The following DNAH9 variants were observed in gnomAD, a reference collection of about 807,000 sequenced individuals.
DNAH9 encodes DNAH9 variant protein.
In DNAH9, 345 loss-of-function variants were observed where a neutral mutation model predicts 471.6. That is an observed-to-expected ratio of 0.73 (90% CI 0.67 to 0.80). The LOEUF (loss-of-function observed/expected upper bound fraction) is 0.80, where lower values mean the gene tolerates loss of function less well. Ranked by LOEUF, DNAH9 falls within the 30% of genes least tolerant of loss-of-function variation. The probability of loss-of-function intolerance (pLI) is 0.00; values close to 1 mark genes in which losing one functional copy is unlikely to be tolerated. For synonymous variants in DNAH9, 2,093 were observed against 2,123.6 expected (o/e 0.99, Z 0.40); for missense variants, 5,407 against 5,609.2 (o/e 0.96, Z 1.15).
At chr17:11,710,194 C>G (rs751543693) in intron 26 of DNAH9, among the ~76,000 whole-genome samples, 1 of 152,016 alleles carries the variant, frequency 6.6e-6, no homozygotes, top group African/African-American at 2.4e-5. Flanking sequence ...TGTATATTCT[C>G]TAAATATTTT....
chr17:11,693,826 G>A (rs1009737519), intron 20 of DNAH9, 42 bp from the exon 21 acceptor site: 3 of 1,612,688 alleles, frequency 1.9e-6, no homozygotes, highest in Non-Finnish European at 2.5e-6. Context: ...TCTAGGAACT[G>A]AGTGGAGTGG....
At position 11,644,780 on chromosome 17, in the gene DNAH9, T is replaced by C. The variant is rs973930145; in HGVS notation, c.1970+81T>C. 1.7e-5 allele frequency: 16 copies of C among 942,382 alleles called. No homozygotes were observed. In the African/African-American group the frequency reaches 2.6e-4, roughly 15 times the overall value. 58.4% of individuals were successfully genotyped at this position (942,382 alleles called of 1,614,324 possible). On this transcript the variant is annotated intron_variant, in intron 11 of 68. Transcript: ENST00000262442. ...TTTTGCAGCTCCGAGTTTGTGCAGA[T>C]TCCTCAGTGGCTCCGAAGTATCACT... is the stretch of plus-strand genomic sequence containing the variant.
In DNAH9 at chr17:11,690,265, C is replaced by A; in HGVS notation, c.4443C>A (p.Asn1481Lys). 2 of 1,614,164 alleles carry A rather than the reference C, an allele frequency of 1.2e-6. No homozygotes were observed. The highest frequency in any genetic ancestry group is 1.7e-4 in the Middle Eastern group (1 of 6,060). The change falls in exon 20 of 69, where the codon AAC becomes AAA. Residue 1481 changes from asparagine (N) to lysine (K), a missense_variant. By Grantham distance (94) the Asn-to-Lys change is moderately conservative. Around this residue, in one of 3 missense-constraint regions of DNAH9, gnomAD observed 4,636 missense variants for 4,900.3 expected, o/e 0.95. Coordinates refer to ENST00000262442, the MANE Select transcript of DNAH9 (RefSeq NM_001372.4). The part of the protein sequence containing the change: ...VLEDNQVQLQ[N>K]LVMSKYVAFF... ...AGGATAATCAAGTTCAACTTCAGAACCTGGTGATGTCCAAGTATGTTGCTT... is the reference window on the plus strand; with the variant it reads ...AGGATAATCAAGTTCAACTTCAGAAACTGGTGATGTCCAAGTATGTTGCTT...
At chr17:11,632,905 T>C (rs1467573708) in intron 8 of DNAH9, among the ~76,000 whole-genome samples, 1 of 152,174 alleles carries the variant, frequency 6.6e-6, no homozygotes, top group Non-Finnish European at 1.5e-5. Flanking sequence ...ACTTATGCTT[T>C]CCTGAAAATG....
intron 35 of DNAH9, among the ~76,000 whole-genome samples, chr17:11,761,514 G>A (rs11655963): frequency 0.086 from 13,153 of 152,134 alleles, 673 homozygotes; most frequent in Non-Finnish European, 0.11. Flanking sequence ...GTCAGGTCCC[G>A]CTCCCACACA....
At chr17:11,935,334 CT>C in intron 65 of DNAH9, among the ~76,000 whole-genome samples, 1 of 150,322 alleles carries the variant, frequency 6.7e-6, no homozygotes, top group East Asian at 2.0e-4. Flanking sequence ...AAGTATTCAT[CT>C]TTGCCTATTT....
chr17:11,664,697 T>C (rs776355512), intron 14 of DNAH9, 136 bp from the exon 15 acceptor site: 1 of 703,866 alleles, frequency 1.4e-6, no homozygotes, highest in Non-Finnish European at 2.4e-6. Context: ...GCAGAGTGGA[T>C]TCGATACATG....
Position 11,622,071 on chromosome 17 carries a change from C to T in DNAH9, c.1350+2290C>T, listed in dbSNP as rs1012515883. On this transcript the variant is annotated intron_variant, in intron 6 of 68. Coordinates refer to ENST00000262442, the MANE Select transcript of DNAH9 (RefSeq NM_001372.4). ...ACTGCACTCCAGCCTGGGGACAGAG[C>T]GAGACTCCGTCTCAAAAAAAAAAAA... Among the ~76,000 whole-genome samples the T allele has an allele frequency of 1.1e-4, 16 of 139,678 alleles. No individual in the cohort carries two copies. The South Asian group carries it at 2.9e-3, about 26-fold the overall frequency. 91.6% of individuals were successfully genotyped at this position (139,678 alleles called of 152,430 possible).
intron 61 of DNAH9, among the ~76,000 whole-genome samples, chr17:11,913,934 A>G (rs1424049078): frequency 6.6e-6 from 1 of 152,202 alleles, no homozygotes; most frequent in East Asian, 1.9e-4. Flanking sequence ...TCAAGAATGA[A>G]TGCATATTCA....
At chr17:11,750,850 T>G (rs928330492) in intron 32 of DNAH9, among the ~76,000 whole-genome samples, 1 of 151,934 alleles carries the variant, frequency 6.6e-6, no homozygotes, top group Non-Finnish European at 1.5e-5. Context: ...TCATAAGAAA[T>G]TGTTCAAACT....
intron 5 of DNAH9, among the ~76,000 whole-genome samples, chr17:11,618,320 G>T (rs1187558864): frequency 1.3e-5 from 2 of 152,124 alleles, no homozygotes; most frequent in African/African-American, 2.4e-5. Context: ...GGGCGCGGTG[G>T]CTCACGCCTG....
chr17:11,779,133 A>G (rs1968575901), intron 38 of DNAH9, among the ~76,000 whole-genome samples: 2 of 152,104 alleles, frequency 1.3e-5, no homozygotes, highest in South Asian at 2.1e-4. Flanking sequence ...CTGAACCCCA[A>G]CCTGTTCCAT....
rs529539736 is a variant in DNAH9, at chr17:11,796,592, G to A, written c.8224-1005G>A. Among the ~76,000 whole-genome samples, 11 of 152,280 alleles carry A rather than the reference G, an allele frequency of 7.2e-5. No homozygotes were observed. The South Asian group carries it at 1.2e-3, about 17-fold the overall frequency. On this transcript the variant is annotated intron_variant, in intron 42 of 68. Transcript: ENST00000262442. ...CCTGCAGTGACTTATGCCCTGGGAC[G>A]TGTCCCTGCTGATAAATAACACACT... is the stretch of plus-strand genomic sequence containing the variant.
At chr17:11,868,808 T>A (rs1420158272) in intron 50 of DNAH9, among the ~76,000 whole-genome samples, 1 of 152,046 alleles carries the variant, frequency 6.6e-6, no homozygotes, top group Admixed American at 6.6e-5. Context: ...CCCATCCACA[T>A]CCCTGACACC....
intron 3 of DNAH9, 111 bp downstream of exon 3, chr17:11,610,665 T>G: frequency 3.0e-6 from 3 of 998,962 alleles, no homozygotes; most frequent in Non-Finnish European, 4.4e-6. Context: ...CCTATAGGTA[T>G]TTCACATCAT....
intron 1 of DNAH9, among the ~76,000 whole-genome samples, chr17:11,600,122 A>G (rs933101089): frequency 7.2e-5 from 11 of 152,268 alleles, no homozygotes; most frequent in Middle Eastern, 3.4e-3. Context: ...GATCTCTTAG[A>G]TATGGAGGTA....
chr17:11,747,884 C>T (rs1282549477), intron 32 of DNAH9, 118 bp downstream of exon 32: 14 of 905,646 alleles, frequency 1.5e-5, no homozygotes, highest in African/African-American at 3.3e-5. Context: ...TTTGGAACCG[C>T]GGAGGGAGAC....
chr17:11,610,500 T>G lies in DNAH9; in HGVS notation c.719T>G (p.Leu240Arg). 1 of 1,613,484 alleles carries G rather than the reference T, an allele frequency of 6.2e-7. No individual in the cohort carries two copies. Among genetic ancestry groups the G allele is most frequent in the Non-Finnish European group, 8.5e-7 (1 of 1,179,986 alleles). ...CTCAAGAGAGAGTCTTCCCAGCCACTCTTACAAGGGGAGAATCCCACCCCT... is the reference window on the plus strand; with the variant it reads ...CTCAAGAGAGAGTCTTCCCAGCCACGCTTACAAGGGGAGAATCCCACCCCT... Reference protein sequence around the residue: ...VVLKRESSQPLLQGENPTPKV... With the variant: ...VVLKRESSQPRLQGENPTPKV... The change falls in exon 3 of 69, where the codon CTC becomes CGC. Residue 240 changes from leucine (L) to arginine (R), a missense_variant. Physicochemically the swap from Leu to Arg is moderately radical, Grantham distance 102 (BLOSUM62 -2). Transcript: ENST00000262442.
chr17:11,951,046 A>G (rs1203886658), intron 67 of DNAH9, among the ~76,000 whole-genome samples: 4 of 152,204 alleles, frequency 2.6e-5, no homozygotes, highest in Non-Finnish European at 5.9e-5. Flanking sequence ...GACAGACGAC[A>G]TTCACATGTG....
Sources: allele counts gnomAD v4.1 joint callset (sites outside exome capture counted in the v4.1 genomes callset), GRCh38; gene constraint gnomAD v4.1.1; regional missense constraint gnomAD v4.1.1; transcripts MANE v1.5; gene names NCBI Gene and HGNC (gene_info 2026-07-23, HGNC 2026-07-21).